IGFL2: variants seen among roughly 807,000 people sequenced by gnomAD.
IGFL2 encodes the protein IGF like family member 2, also known as insulin growth factor-like family member 2.
In IGFL2, 7 loss-of-function variants were observed where a neutral mutation model predicts 13.9. The ratio of observed to expected loss-of-function variants is 0.51; its 90% CI spans 0.29 to 0.95. The LOEUF (loss-of-function observed/expected upper bound fraction) is 0.95, where lower values mean the gene tolerates loss of function less well. IGFL2 is among the 40% of genes least tolerant of loss of function. The pLI is 0.08. For synonymous variants in IGFL2, 55 were observed against 55.8 expected (o/e 0.99, Z 0.07); for missense variants, 138 against 147.8 (o/e 0.93, Z 0.34).
the IGFL2 span, among the ~76,000 whole-genome samples, chr19:46,184,443 G>A: frequency 1.4e-4 from 21 of 151,720 alleles, no homozygotes; most frequent in African/African-American, 4.6e-4. Context: ...GACAGGCTCC[G>A]GTGTGTGATG....
the IGFL2 span, among the ~76,000 whole-genome samples, chr19:46,180,335 T>C: frequency 1.3e-5 from 2 of 152,032 alleles, no homozygotes; most frequent in Non-Finnish European, 2.9e-5. Flanking sequence ...CCTGCCACTA[T>C]ACTCGGCTAA....
the IGFL2 span, among the ~76,000 whole-genome samples, chr19:46,168,166 C>A: frequency 6.6e-6 from 1 of 152,128 alleles, no homozygotes; most frequent in South Asian, 2.1e-4. Flanking sequence ...AACTCCTGGC[C>A]TCAAATGATT....
At chr19:46,120,013 C>T in the IGFL2 span, 1 of 395,350 alleles carries the variant, frequency 2.5e-6, no homozygotes, top group Admixed American at 4.0e-5. Flanking sequence ...TGACAGCCCT[C>T]TGTATCCTGA....
At chr19:46,124,484 G>C in the IGFL2 span, 1 of 1,128,568 alleles carries the variant, frequency 8.9e-7, no homozygotes, top group African/African-American at 1.6e-5. Context: ...TGAGCAGCAC[G>C]CTCAGTCACC....
the IGFL2 span, chr19:46,208,312 A>G: frequency 2.0e-5 from 3 of 152,204 alleles, no homozygotes; most frequent in Admixed American, 2.0e-4. Flanking sequence ...AGAGTCTCCC[A>G]TGCCTGCCCC....
chr19:46,183,310 C>T, the IGFL2 span, among the ~76,000 whole-genome samples: 12 of 152,108 alleles, frequency 7.9e-5, no homozygotes, highest in Non-Finnish European at 1.0e-4. Flanking sequence ...GATTACAATT[C>T]GAGATGAGAT....
At chr19:46,165,389 C>T (rs563206108), downstream of IGFL2, among the ~76,000 whole-genome samples, 8 of 152,304 alleles carry the variant, frequency 5.3e-5, no homozygotes, top group East Asian at 1.5e-3. Context: ...AAGGGGGTCC[C>T]ATTCTAGTCT....
the IGFL2 span, chr19:46,203,394 G>A: frequency 1.3e-5 from 2 of 152,964 alleles, no homozygotes; most frequent in Admixed American, 1.3e-4. Context: ...ACACCAGAGA[G>A]TTGGCCAACA....
At chr19:46,082,348 G>A in the IGFL2 span, among the ~76,000 whole-genome samples, 1 of 152,178 alleles carries the variant, frequency 6.6e-6, no homozygotes, top group African/African-American at 2.4e-5. Flanking sequence ...GGCAAAAGAG[G>A]GTAGCCTTTT....
the IGFL2 span, among the ~76,000 whole-genome samples, chr19:46,191,650 A>G: frequency 6.6e-6 from 1 of 152,104 alleles, no homozygotes; most frequent in African/African-American, 2.4e-5. Flanking sequence ...TTTTTTCTCC[A>G]AAAGAAAGCA....
At chr19:46,194,854 T>TATA in the IGFL2 span, among the ~76,000 whole-genome samples, 47 of 18,732 alleles carry the variant, frequency 2.5e-3, no homozygotes, top group African/African-American at 2.5e-3. Context: ...ATATATATAT[T>TATA]TTTTTTTTTT....
the IGFL2 span, among the ~76,000 whole-genome samples, chr19:46,171,328 T>C: frequency 6.6e-6 from 1 of 151,828 alleles, no homozygotes; most frequent in Non-Finnish European, 1.5e-5. Context: ...TCAAGGGGAG[T>C]CAGCCAGAGG....
At chr19:46,081,892 G>A in the IGFL2 span, among the ~76,000 whole-genome samples, 17 of 152,338 alleles carry the variant, frequency 1.1e-4, no homozygotes, top group Non-Finnish European at 2.1e-4. Context: ...GCTACCTGTT[G>A]TCTGGTACCT....
chr19:46,151,658 C>T (rs535687831), intron 1 of IGFL2, among the ~76,000 whole-genome samples: 1 of 152,250 alleles, frequency 6.6e-6, no homozygotes, highest in African/African-American at 2.4e-5. Flanking sequence ...GCCTGTAATC[C>T]CAGCACTTTT....
the IGFL2 span, among the ~76,000 whole-genome samples, chr19:46,098,232 A>G: frequency 1.7e-3 from 261 of 152,244 alleles, 1 homozygote; most frequent in African/African-American, 5.6e-3. Flanking sequence ...TTCTTGCTGT[A>G]TTGATCCCTT....
chr19:46,108,796 A>G, the IGFL2 span, among the ~76,000 whole-genome samples: 3 of 151,366 alleles, frequency 2.0e-5, no homozygotes, highest in Non-Finnish European at 4.4e-5. Context: ...TGGAGTGACC[A>G]GCGCTGGAGT....
At chr19:46,165,311 T>C (rs756140887), downstream of IGFL2, among the ~76,000 whole-genome samples, 1 of 152,230 alleles carries the variant, frequency 6.6e-6, no homozygotes, top group Non-Finnish European at 1.5e-5. Context: ...GCTGAAGTTA[T>C]CTGTAGAATC....
chr19:46,167,669 C>T, the IGFL2 span, among the ~76,000 whole-genome samples: 126 of 152,272 alleles, frequency 8.3e-4, 2 homozygotes, highest in Middle Eastern at 0.017. Flanking sequence ...TATGTTGAAG[C>T]CCTGAAACCC....
At chr19:46,102,206 C>T in the IGFL2 span, among the ~76,000 whole-genome samples, 15 of 152,258 alleles carry the variant, frequency 9.9e-5, no homozygotes, top group South Asian at 4.1e-4. Flanking sequence ...ATTTCATGCG[C>T]GCGTCTGTGT....
Sources: allele counts gnomAD v4.1 joint callset (sites outside exome capture counted in the v4.1 genomes callset), GRCh38; gene constraint gnomAD v4.1.1; transcripts MANE v1.5; gene names NCBI Gene and HGNC (gene_info 2026-07-23, HGNC 2026-07-21).